The following SLX4IP variants were observed in gnomAD, a reference collection of about 807,000 sequenced individuals.
SLX4IP encodes the protein protein SLX4IP.
SLX4IP carries 34 observed loss-of-function variants against 32.9 expected under a neutral mutation model. That is an observed-to-expected ratio of 1.03 (90% CI 0.79 to 1.38). SLX4IP has a LOEUF of 1.38. Among genes scored for constraint, SLX4IP ranks in the 40% most tolerant of loss-of-function variants. The pLI, the probability that SLX4IP is intolerant of heterozygous loss-of-function variation, is 0.00. For synonymous variants in SLX4IP, 172 were observed against 171.7 expected, an observed-to-expected ratio of 1.00 and a Z score of -0.01; for missense variants, 444 against 479.0, an observed-to-expected ratio of 0.93 and a Z score of 0.68.
intron 2 of SLX4IP, among the ~76,000 whole-genome samples, chr20:10,493,393 A>T (rs899758608): frequency 2.0e-5 from 3 of 152,142 alleles, no homozygotes; most frequent in Non-Finnish European, 4.4e-5. Context: ...TTTATAATAG[A>T]TTATCACAGG....
At chr20:10,611,282 T>TATCAGTCTTG (rs2066963798) in intron 6 of SLX4IP, among the ~76,000 whole-genome samples, 1 of 152,206 alleles carries the variant, frequency 6.6e-6, no homozygotes, top group Admixed American at 6.5e-5. Flanking sequence ...GAAGAGATTG[T>TATCAGTCTTG]ATCAGTCTTG....
chr20:10,441,731 G>GTTTT (rs3064149), intron 1 of SLX4IP, among the ~76,000 whole-genome samples: 2 of 147,610 alleles, frequency 1.4e-5, no homozygotes, highest in Non-Finnish European at 1.5e-5. Context: ...GTTTGTTTTT[G>GTTTT]TTTTTTTTTT....
At chr20:10,512,384 G>T (rs193262105) in intron 2 of SLX4IP, among the ~76,000 whole-genome samples, 1 of 151,612 alleles carries the variant, frequency 6.6e-6, no homozygotes, top group African/African-American at 2.4e-5. Flanking sequence ...ATAAATTAAC[G>T]TATTGTCATC....
At chr20:10,600,336 A>G (rs2066826826) in intron 5 of SLX4IP, among the ~76,000 whole-genome samples, 2 of 152,168 alleles carry the variant, frequency 1.3e-5, no homozygotes, top group Admixed American at 6.5e-5. Flanking sequence ...GACCAGAACA[A>G]CAGGTTAATC....
chr20:10,575,131 G>A (rs1016915500), intron 4 of SLX4IP, among the ~76,000 whole-genome samples: 9 of 152,128 alleles, frequency 5.9e-5, no homozygotes, highest in Non-Finnish European at 1.2e-4. Flanking sequence ...AGGAGTAGGA[G>A]GAAAAGTAAT....
intron 1 of SLX4IP, among the ~76,000 whole-genome samples, chr20:10,443,677 CA>C (rs1392063303): frequency 1.3e-5 from 2 of 152,072 alleles, no homozygotes; most frequent in East Asian, 3.9e-4. Context: ...TGGGCAGGGG[CA>C]CTGATATTGT....
At chr20:10,491,829 T>C (rs543868689) in intron 2 of SLX4IP, among the ~76,000 whole-genome samples, 1 of 152,328 alleles carries the variant, frequency 6.6e-6, no homozygotes, top group African/African-American at 2.4e-5. Context: ...GTATGTCTCC[T>C]CAACCTATAA....
chr20:10,548,169 A>G (rs1372714122), intron 2 of SLX4IP, among the ~76,000 whole-genome samples: 1 of 152,166 alleles, frequency 6.6e-6, no homozygotes, highest in Non-Finnish European at 1.5e-5. Flanking sequence ...CATTATTAGA[A>G]GAGATTCATG....
chr20:10,511,767 A>G (rs2065809562), intron 2 of SLX4IP, among the ~76,000 whole-genome samples: 1 of 152,200 alleles, frequency 6.6e-6, no homozygotes, highest in South Asian at 2.1e-4. Flanking sequence ...CACCCTCTTC[A>G]CGTGACAGCC....
intron 1 of SLX4IP, among the ~76,000 whole-genome samples, chr20:10,445,945 T>G (rs1253865173): frequency 1.1e-4 from 17 of 151,170 alleles, no homozygotes; most frequent in African/African-American, 3.9e-4. Flanking sequence ...TTTTTTTTTT[T>G]TTTTTTTTTT....
At chr20:10,529,520 G>T (rs599354) in intron 2 of SLX4IP, among the ~76,000 whole-genome samples, 80,099 of 148,100 alleles carry the variant, frequency 0.54, 22,235 homozygotes, top group South Asian at 0.72. Context: ...GAACCCAGGA[G>T]GTAGAGGTTG....
chr20:10,574,024 A>G (rs1343067721), intron 4 of SLX4IP, among the ~76,000 whole-genome samples: 3 of 152,236 alleles, frequency 2.0e-5, no homozygotes, highest in Non-Finnish European at 4.4e-5. Context: ...AAAGTGTGCT[A>G]AAGCACCAAT....
At chr20:10,560,890 T>C in intron 4 of SLX4IP, 70 bp downstream of exon 4, 5 of 1,374,432 alleles carry the variant, frequency 3.6e-6, no homozygotes, top group Non-Finnish European at 4.8e-6. Context: ...ATGGCAATTA[T>C]GTTTGACTCT....
At chr20:10,571,755 C>T (rs376195147) in intron 4 of SLX4IP, among the ~76,000 whole-genome samples, 7 of 152,176 alleles carry the variant, frequency 4.6e-5, no homozygotes, top group East Asian at 1.9e-4. Flanking sequence ...TGAATTGTTA[C>T]GGCTCACAGG....
At chr20:10,622,552 T>C in intron 7 of SLX4IP, 107 bp from the exon 8 acceptor site, 4 of 1,428,474 alleles carry the variant, frequency 2.8e-6, no homozygotes, top group Non-Finnish European at 3.7e-6. Context: ...AGAGGGCAGG[T>C]AGTGCCTGCC....
At chr20:10,459,350 G>A (rs1018652856) in intron 2 of SLX4IP, among the ~76,000 whole-genome samples, 6 of 152,164 alleles carry the variant, frequency 3.9e-5, no homozygotes, top group African/African-American at 1.2e-4. Flanking sequence ...TTGCTGTGCA[G>A]AAGCTCTTTA....
At chr20:10,488,184 C>T (rs2065590734) in intron 2 of SLX4IP, among the ~76,000 whole-genome samples, 1 of 152,082 alleles carries the variant, frequency 6.6e-6, no homozygotes, top group African/African-American at 2.4e-5. Context: ...CAGAATGTGA[C>T]CTTATTTGGA....
At chr20:10,472,866 TTTTTG>T (rs1442559808) in intron 2 of SLX4IP, among the ~76,000 whole-genome samples, 1 of 152,212 alleles carries the variant, frequency 6.6e-6, no homozygotes, top group Non-Finnish European at 1.5e-5. Flanking sequence ...CATTGAGGTT[TTTTTG>T]TTTTGTTTTG....
chr20:10,514,757 TAAG>T (rs1382733586), intron 2 of SLX4IP, among the ~76,000 whole-genome samples: 4 of 152,244 alleles, frequency 2.6e-5, no homozygotes, highest in African/African-American at 9.6e-5. Context: ...AGTTTTTATG[TAAG>T]AAGAGACAAC....
Sources: allele counts gnomAD v4.1 joint callset (sites outside exome capture counted in the v4.1 genomes callset), GRCh38; gene constraint gnomAD v4.1.1; transcripts MANE v1.5; gene names NCBI Gene and HGNC (gene_info 2026-07-23, HGNC 2026-07-21).